The following PTPRD variants were observed in gnomAD, a reference collection of about 807,000 sequenced individuals.
The protein encoded by PTPRD is receptor-type tyrosine-protein phosphatase delta.
A neutral mutation model predicts 214.5 loss-of-function variants in PTPRD; 34 were observed. The observed-to-expected ratio is 0.16, with a 90% CI of 0.12 to 0.21. The LOEUF is 0.21. Among genes scored for constraint, PTPRD ranks in the 10% least tolerant of loss-of-function variants. PTPRD has a pLI of 1.00. For missense variants in PTPRD, 2,545 were observed against 2,398.7 expected, an observed-to-expected ratio of 1.06 and a Z score of -1.27; for synonymous variants, 1,128 against 845.7, an observed-to-expected ratio of 1.33 and a Z score of -5.79.
At chr9:9,927,195 C>T (rs1296611735) in intron 5 of PTPRD, among the ~76,000 whole-genome samples, 1 of 152,080 alleles carries the variant, frequency 6.6e-6, no homozygotes, top group Non-Finnish European at 1.5e-5. Flanking sequence ...TGTGATTTCA[C>T]TGGGGGTACA....
chr9:9,805,910 A>G (rs182663564), intron 5 of PTPRD, among the ~76,000 whole-genome samples: 70 of 152,310 alleles, frequency 4.6e-4, no homozygotes, highest in African/African-American at 1.5e-3. Flanking sequence ...CAAAGTAGAA[A>G]AGAAGTACAA....
chr9:9,031,654 T>C (rs72692877), intron 10 of PTPRD, among the ~76,000 whole-genome samples: 2 of 152,004 alleles, frequency 1.3e-5, no homozygotes, highest in Non-Finnish European at 2.9e-5. Flanking sequence ...GTTGTATATA[T>C]AAATTAATGA....
chr9:10,032,525 G>A (rs1002258210), intron 4 of PTPRD, among the ~76,000 whole-genome samples: 1 of 152,086 alleles, frequency 6.6e-6, no homozygotes, highest in African/African-American at 2.4e-5. Flanking sequence ...GATCCCTGGG[G>A]ACTCTTCTAT....
At chr9:10,015,624 T>C (rs1274218028) in intron 4 of PTPRD, among the ~76,000 whole-genome samples, 1 of 152,142 alleles carries the variant, frequency 6.6e-6, no homozygotes, top group Non-Finnish European at 1.5e-5. Flanking sequence ...ATTTAAATTG[T>C]GTACTTACTT....
At chr9:9,610,550 G>GT (rs1193603867) in intron 7 of PTPRD, among the ~76,000 whole-genome samples, 9 of 152,108 alleles carry the variant, frequency 5.9e-5, no homozygotes, top group African/African-American at 2.2e-4. Flanking sequence ...AGTGAGACCA[G>GT]TATGCTACCT....
chr9:8,585,693 C>T (rs2093597458), intron 14 of PTPRD, among the ~76,000 whole-genome samples: 1 of 152,142 alleles, frequency 6.6e-6, no homozygotes, highest in Admixed American at 6.6e-5. Flanking sequence ...TCTGGTAAAA[C>T]TATATGAATG....
chr9:10,462,112 C>T (rs548113385), intron 2 of PTPRD, among the ~76,000 whole-genome samples: 242 of 151,978 alleles, frequency 1.6e-3, no homozygotes, highest in African/African-American at 5.6e-3. Context: ...TGATAGTTAG[C>T]GTATTATATA....
chr9:8,341,800 T>A lies in PTPRD; in HGVS notation c.4840A>T (p.Thr1614Ser), dbSNP rs1328382095. The change falls in exon 40 of 46, where the codon ACT becomes TCT. Residue 1614 changes from threonine (T) to serine (S), a missense_variant. Transcript: ENST00000381196. ...GCTGGCACTTCGGTATTTCCACAAG[T>A]CACTGCTTCTAACAGTGCATCATGG... ...FIHDALLEAV[T>S]CGNTEVPARN... is the part of the protein sequence containing the mutation. 1.2e-6 allele frequency: 2 copies of A among 1,613,642 alleles called. No individual in the cohort carries two copies. The highest frequency in any genetic ancestry group is 1.7e-5 in the Admixed American group (1 of 59,956).
intron 14 of PTPRD, among the ~76,000 whole-genome samples, chr9:8,619,795 C>G (rs940650808): frequency 6.6e-6 from 1 of 151,764 alleles, no homozygotes; most frequent in African/African-American, 2.4e-5. Flanking sequence ...CCTAGAGACC[C>G]CCAAAACAAA....
At chr9:10,141,882 T>C (rs893298862) in intron 3 of PTPRD, among the ~76,000 whole-genome samples, 3 of 152,062 alleles carry the variant, frequency 2.0e-5, no homozygotes, top group Non-Finnish European at 4.4e-5. Context: ...CAAAACAGCA[T>C]GGTACTGGTA....
At chr9:8,638,438 G>GA (rs1242866127) in intron 12 of PTPRD, among the ~76,000 whole-genome samples, 4 of 151,310 alleles carry the variant, frequency 2.6e-5, no homozygotes, top group Admixed American at 6.6e-5. Flanking sequence ...AATCTTGGAG[G>GA]AAAAAAAATC....
intron 7 of PTPRD, among the ~76,000 whole-genome samples, chr9:9,601,043 A>G (rs1215332398): frequency 2.0e-5 from 3 of 151,146 alleles, no homozygotes; most frequent in Admixed American, 1.3e-4. Context: ...CTGACAAACT[A>G]ATTGACGAAA....
At chr9:10,278,996 G>T (rs574107951) in intron 3 of PTPRD, among the ~76,000 whole-genome samples, 9 of 152,122 alleles carry the variant, frequency 5.9e-5, no homozygotes, top group Non-Finnish European at 1.2e-4. Flanking sequence ...GGATGATCTC[G>T]ATCTCCTGGC....
intron 9 of PTPRD, among the ~76,000 whole-genome samples, chr9:9,368,534 T>A (rs920690883): frequency 6.6e-6 from 1 of 151,800 alleles, no homozygotes; most frequent in Non-Finnish European, 1.5e-5. Context: ...GCAAAGAATA[T>A]TAAAGTCAGA....
chr9:8,323,957 T>C (rs891436180), intron 44 of PTPRD, among the ~76,000 whole-genome samples: 4 of 152,102 alleles, frequency 2.6e-5, no homozygotes, highest in Admixed American at 2.0e-4. Context: ...AACTTCATTA[T>C]TATTTTCTTT....
At chr9:9,718,769 C>T (rs900976165) in intron 7 of PTPRD, among the ~76,000 whole-genome samples, 2 of 152,202 alleles carry the variant, frequency 1.3e-5, no homozygotes, top group Non-Finnish European at 2.9e-5. Context: ...TCTTGGCCCC[C>T]TCTGGAAACT....
intron 4 of PTPRD, among the ~76,000 whole-genome samples, chr9:9,971,301 C>T (rs1164269796): frequency 6.6e-6 from 1 of 152,076 alleles, no homozygotes; most frequent in Non-Finnish European, 1.5e-5. Context: ...TTTAAATTCA[C>T]TAGGTCTGGA....
At chr9:9,321,275 G>A (rs1191380374) in intron 9 of PTPRD, among the ~76,000 whole-genome samples, 2 of 152,186 alleles carry the variant, frequency 1.3e-5, no homozygotes, top group African/African-American at 4.8e-5. Flanking sequence ...AGGACTCTGG[G>A]CTGGGTGCAG....
At position 10,248,174 on chromosome 9, in the gene PTPRD, C is replaced by G. The variant is rs553406747; in HGVS notation, c.-545+92789G>C. Among the ~76,000 whole-genome samples, 24 of 152,200 alleles carry G rather than the reference C, an allele frequency of 1.6e-4. No individual in the cohort carries two copies. In the South Asian group the frequency reaches 4.8e-3, roughly 30 times the overall value. Reference sequence around the variant, plus strand: ...TGCCCATTCTCAGGTATGTCTTTATCAGCAGCGTGGAAACGGACTAATACA... The same window carrying G: ...TGCCCATTCTCAGGTATGTCTTTATGAGCAGCGTGGAAACGGACTAATACA... On this transcript the variant is annotated intron_variant, in intron 3 of 45. Coordinates refer to ENST00000381196, the MANE Select transcript of PTPRD (RefSeq NM_002839.4).
Sources: gnomAD v4.1 joint callset for allele counts (sites outside exome capture counted in the v4.1 genomes callset) on GRCh38, gnomAD v4.1.1 for gene constraint, MANE v1.5 for transcripts, NCBI Gene and HGNC (gene_info 2026-07-23, HGNC 2026-07-21) for gene names.